SP140: variants seen among roughly 807,000 people sequenced by gnomAD.
SP140 encodes SP140 nuclear body protein, also known as nuclear body protein SP140.
SP140 carries 81 observed loss-of-function variants against 125.0 expected under a neutral mutation model. The ratio of observed to expected loss-of-function variants is 0.65; its 90% CI spans 0.54 to 0.78. The LOEUF (loss-of-function observed/expected upper bound fraction) is 0.78, where lower values mean the gene tolerates loss of function less well. Among genes scored for constraint, SP140 ranks in the 30% least tolerant of loss-of-function variants. The pLI, the probability that SP140 is intolerant of heterozygous loss-of-function variation, is 0.00. For missense variants in SP140, 858 were observed against 1,037.0 expected, an observed-to-expected ratio of 0.83 and a Z score of 2.37; for synonymous variants, 312 against 354.0, an observed-to-expected ratio of 0.88 and a Z score of 1.33.
intron 22 of SP140, among the ~76,000 whole-genome samples, chr2:230,308,976 G>A (rs1437305291): frequency 6.6e-6 from 1 of 152,218 alleles, no homozygotes; most frequent in African/African-American, 2.4e-5. Flanking sequence ...CAGCATGTAT[G>A]TATTGGTCTC....
chr2:230,195,179 T>A, the SP140 span, among the ~76,000 whole-genome samples: 1 of 152,180 alleles, frequency 6.6e-6, no homozygotes, highest in African/African-American at 2.4e-5. Context: ...CATTACTTTT[T>A]TAAGTAATTT....
At chr2:230,192,698 A>C in the SP140 span, among the ~76,000 whole-genome samples, 6 of 152,232 alleles carry the variant, frequency 3.9e-5, no homozygotes, top group African/African-American at 1.4e-4. Flanking sequence ...GGAAATGGCC[A>C]TACTGCCCAA....
In SP140 at chr2:230,292,691, C is replaced by A; in HGVS notation, c.1871C>A (p.Thr624Asn). Reference protein sequence around the residue: ...CIQTEDGKWFTPTEFEIKGGH... With the variant: ...CIQTEDGKWFNPTEFEIKGGH... ...CAGACTGAGGATGGAAAATGGTTCACCCCCACGGAATTTGAAATCAAAGGA... is the reference window on the plus strand; with the variant it reads ...CAGACTGAGGATGGAAAATGGTTCAACCCCACGGAATTTGAAATCAAAGGA... The change falls in exon 20 of 27, where the codon ACC becomes AAC. Residue 624 changes from threonine (T) to asparagine (N), a missense_variant. Physicochemically the swap from Thr to Asn is moderately conservative, Grantham distance 65. Coordinates refer to ENST00000392045, the MANE Select transcript of SP140 (RefSeq NM_007237.5). The A allele has an allele frequency of 6.2e-7, 1 of 1,614,154 alleles. No individual in the cohort carries two copies. Among genetic ancestry groups the A allele is most frequent in the Non-Finnish European group, 8.5e-7 (1 of 1,180,024 alleles).
At chr2:230,263,927 T>C (rs2052667769) in intron 12 of SP140, among the ~76,000 whole-genome samples, 1 of 152,212 alleles carries the variant, frequency 6.6e-6, no homozygotes, top group Admixed American at 6.5e-5. Context: ...TTAAATTTGG[T>C]TAACCTGATG....
At chr2:230,236,496 A>C (rs1048228530) in intron 1 of SP140, among the ~76,000 whole-genome samples, 1 of 152,198 alleles carries the variant, frequency 6.6e-6, no homozygotes, top group Non-Finnish European at 1.5e-5. Flanking sequence ...CAAGTCCAAA[A>C]TCTGTAGTGT....
upstream of SP140, among the ~76,000 whole-genome samples, chr2:230,199,662 G>A (rs564907458): frequency 1.2e-4 from 19 of 152,128 alleles, no homozygotes; most frequent in African/African-American, 4.3e-4. Flanking sequence ...ATAACAGTAA[G>A]GTAACATCAA....
chr2:230,312,871 C>T lies in SP140; in HGVS notation c.*187C>T. On this transcript the variant is annotated 3_prime_UTR_variant, in exon 27 of 27. Coordinates refer to ENST00000392045, the MANE Select transcript of SP140 (RefSeq NM_007237.5). ...ATTCAATCATCATGAATCACAACCC[C>T]AAGTATCTCATCAGCCAGGGAAGAG... The T allele has an allele frequency of 2.0e-6, 1 of 500,968 alleles. No homozygotes were observed. Among genetic ancestry groups the T allele is most frequent in the Non-Finnish European group, 3.6e-6 (1 of 278,632 alleles). 31.0% of individuals were successfully genotyped at this position (500,968 alleles called of 1,614,324 possible). A position where few individuals can be genotyped will look rare whatever the true frequency, so the allele number is the denominator to read the frequency against.
intron 22 of SP140, among the ~76,000 whole-genome samples, chr2:230,305,734 C>T (rs527416513): frequency 3.9e-4 from 59 of 152,338 alleles, no homozygotes; most frequent in African/African-American, 1.4e-3. Flanking sequence ...GGGAGTGGCG[C>T]CCACTTCCAG....
Position 230,249,974 on chromosome 2 carries a change from C to T in SP140, c.976+1006C>T, listed in dbSNP as rs537027964. On this transcript the variant is annotated intron_variant, in intron 9 of 26. Transcript: ENST00000392045. Reference sequence around the variant, plus strand: ...GATTCTCATGTACATGTCTGCGATGCAGACCTGCTTTCCAAGCTCTTCCAT... The same window carrying T: ...GATTCTCATGTACATGTCTGCGATGTAGACCTGCTTTCCAAGCTCTTCCAT... 2.0e-5 allele frequency among the ~76,000 whole-genome samples: 3 copies of T among 152,330 alleles called. No homozygotes were observed. The East Asian group carries it at 5.8e-4, about 29-fold the overall frequency.
intron 22 of SP140, among the ~76,000 whole-genome samples, chr2:230,308,095 G>C (rs903837371): frequency 1.3e-5 from 2 of 150,432 alleles, no homozygotes; most frequent in Non-Finnish European, 3.0e-5. Flanking sequence ...ACAGCAACCT[G>C]GATGGAGTTG....
At chr2:230,200,493 C>A, upstream of SP140, 1 of 197,900 alleles carries the variant, frequency 5.1e-6, no homozygotes, top group African/African-American at 2.4e-5. Flanking sequence ...GATTGGAATT[C>A]TAGGAAAAAG....
In SP140 at chr2:230,244,970, T is replaced by C. The variant is rs925300192; in HGVS notation, c.572-18T>C. 1 of 1,584,362 alleles carries C rather than the reference T, an allele frequency of 6.3e-7. No homozygotes were observed. Among genetic ancestry groups the C allele is most frequent in the Admixed American group, 1.7e-5 (1 of 59,786 alleles). ...CCTGAGGTCTGTGCTCTCATCACTG[T>C]GCCTTGTTTATTTCCAGGTTTCTCT... On this transcript the variant is annotated intron_variant, in intron 5 of 26. Coordinates refer to ENST00000392045, the MANE Select transcript of SP140 (RefSeq NM_007237.5).
At chr2:230,238,599 T>C in intron 3 of SP140, 1 of 759,468 alleles carries the variant, frequency 1.3e-6, no homozygotes, top group Non-Finnish European at 2.1e-6. Context: ...ATCCTGCAAA[T>C]GGTTGCTCAG....
the SP140 span, among the ~76,000 whole-genome samples, chr2:230,188,885 T>C: frequency 1.6e-4 from 25 of 152,318 alleles, no homozygotes; most frequent in South Asian, 5.0e-3. Flanking sequence ...TCTCACTGTT[T>C]GTTATTGGTC....
intron 15 of SP140, among the ~76,000 whole-genome samples, chr2:230,274,521 C>A (rs1481067511): frequency 6.6e-6 from 1 of 152,138 alleles, no homozygotes; most frequent in African/African-American, 2.4e-5. Context: ...TCTGTGGCCT[C>A]CAGAAAGGAG....
chr2:230,310,903 C>T (rs558487113), intron 24 of SP140, 52 bp downstream of exon 24: 1 of 858,152 alleles, frequency 1.2e-6, no homozygotes, highest in Admixed American at 2.9e-5. Context: ...CACGTGAGAA[C>T]CATGAACAAG....
intron 1 of SP140, chr2:230,212,684 T>C: frequency 1.3e-6 from 2 of 1,559,170 alleles, no homozygotes; most frequent in Non-Finnish European, 1.8e-6. Flanking sequence ...AAAGTCAAGA[T>C]GCTGGGATTG....
upstream of SP140, among the ~76,000 whole-genome samples, chr2:230,223,396 A>T (rs981206089): frequency 3.3e-5 from 5 of 152,128 alleles, no homozygotes; most frequent in Admixed American, 6.5e-5. Context: ...ATTATGACAA[A>T]GGGCAAGTGA....
rs999117797 is a variant in SP140 at position 230,253,196 on chromosome 2, G to A, written c.1058-120G>A. 8.5e-6 allele frequency: 6 copies of A among 706,040 alleles called. No homozygotes were observed. The East Asian group carries it at 1.6e-4, about 19-fold the overall frequency. The allele number at this position is 706,040 out of a possible 1,614,324, so 43.7% of individuals were successfully genotyped here. A position where few individuals can be genotyped will look rare whatever the true frequency, so the allele number is the denominator to read the frequency against. On this transcript the variant is annotated intron_variant, in intron 10 of 26. Transcript: ENST00000392045. ...GAGAATTAGAGAGAAGGAGAAAGAGGAGATGTAACAAGATGGAGAAAAGGC... is the reference window on the plus strand; with the variant it reads ...GAGAATTAGAGAGAAGGAGAAAGAGAAGATGTAACAAGATGGAGAAAAGGC...
Sources: gnomAD v4.1 joint callset for allele counts (sites outside exome capture counted in the v4.1 genomes callset) on GRCh38, gnomAD v4.1.1 for gene constraint, MANE v1.5 for transcripts, NCBI Gene and HGNC (gene_info 2026-07-23, HGNC 2026-07-21) for gene names.